The following FAM153A variants were observed in gnomAD, a reference collection of about 807,000 sequenced individuals.
FAM153A encodes family with sequence similarity 153 member A.
A neutral mutation model predicts 48.1 loss-of-function variants in FAM153A; 12 were observed. That is an observed-to-expected ratio of 0.25 (90% CI 0.16 to 0.40). FAM153A has a LOEUF of 0.40. FAM153A is among the 10% of genes least tolerant of loss of function. FAM153A has a pLI of 1.00. For missense variants in FAM153A, 111 were observed against 345.8 expected (o/e 0.32, Z 5.38); for synonymous variants, 36 against 118.2 (o/e 0.30, Z 4.51).
At chr5:177,729,877 T>C (rs1763481629) in intron 16 of FAM153A, among the ~76,000 whole-genome samples, 1 of 112,306 alleles carries the variant, frequency 8.9e-6, no homozygotes, top group African/African-American at 3.3e-5. Flanking sequence ...CTGAGCTAAC[T>C]TGCCCTCTTA....
intron 5 of FAM153A, 65 bp from the exon 8 acceptor site, chr5:177,744,483 T>A: frequency 1.2e-5 from 1 of 80,744 alleles, no homozygotes; most frequent in South Asian, 8.2e-5. Flanking sequence ...AGCACAGGAC[T>A]TTTCTTCACT....
At chr5:177,710,895 C>T (rs1758368711), downstream of FAM153A, among the ~76,000 whole-genome samples, 1 of 151,048 alleles carries the variant, frequency 6.6e-6, no homozygotes, top group Admixed American at 6.6e-5. Flanking sequence ...GGTGATCCAC[C>T]CTCCTCGGCC....
chr5:177,739,132 G>A (rs777343553), exon 10 of FAM153A: 16 of 1,612,614 alleles, frequency 9.9e-6, no homozygotes, highest in East Asian at 4.5e-5. Context: ...GGGTGCCTGC[G>A]TCTGCCTGCG....
chr5:177,735,120 CAG>C (rs1300932102), intron 12 of FAM153A, among the ~76,000 whole-genome samples, 187 bp from the exon 15 acceptor site: 1 of 120,732 alleles, frequency 8.3e-6, no homozygotes, highest in Non-Finnish European at 1.9e-5. Flanking sequence ...CAATCTCAAA[CAG>C]TGCACACCAC....
downstream of FAM153A, chr5:177,717,439 G>A (rs1456914474): frequency 6.6e-6 from 1 of 150,650 alleles, no homozygotes; most frequent in Non-Finnish European, 1.5e-5. Flanking sequence ...ATCACCATTG[G>A]AACCACGGGT....
chr5:177,706,132 C>CA (rs1757864067), downstream of FAM153A, among the ~76,000 whole-genome samples: 1 of 151,668 alleles, frequency 6.6e-6, no homozygotes, highest in South Asian at 2.1e-4. Flanking sequence ...ATACAACAAA[C>CA]CCAATATAGT....
At chr5:177,781,368 A>G (rs1432513623), upstream of FAM153A, among the ~76,000 whole-genome samples, 36 of 137,594 alleles carry the variant, frequency 2.6e-4, no homozygotes, top group South Asian at 4.4e-3. Context: ...TGATCCGCCC[A>G]CCTCGGCCTC....
intron 25 of FAM153A, among the ~76,000 whole-genome samples, chr5:177,715,987 CT>C (rs760706889): frequency 0.015 from 2,122 of 141,006 alleles, 78 homozygotes; most frequent in African/African-American, 0.048. Context: ...AGATTAAATA[CT>C]TTTTTTTTTT....
chr5:177,706,359 GC>G (rs577786047), downstream of FAM153A, among the ~76,000 whole-genome samples: 35 of 151,422 alleles, frequency 2.3e-4, no homozygotes, highest in South Asian at 6.9e-3. Flanking sequence ...ACCAAGCCTG[GC>G]TACTTTTTTT....
At chr5:177,695,467 G>A in the FAM153A span, among the ~76,000 whole-genome samples, 36 of 152,144 alleles carry the variant, frequency 2.4e-4, no homozygotes, top group African/African-American at 8.5e-4. Context: ...GACACTTAAC[G>A]AGCATGCTGC....
upstream of FAM153A, among the ~76,000 whole-genome samples, chr5:177,755,571 A>G (rs1767642966): frequency 6.6e-6 from 1 of 151,822 alleles, no homozygotes; most frequent in Admixed American, 6.6e-5. Flanking sequence ...AAAAATGTTA[A>G]GGGCAGCCAG....
In FAM153A at chr5:177,731,551, G is replaced by T. The variant is rs76216490; in HGVS notation, c.862+18C>A. The T allele has an allele frequency of 3.4e-5, 38 of 1,103,502 alleles. 11 individuals are homozygous for T. The highest frequency in any genetic ancestry group is 7.1e-5 in the East Asian group (2 of 28,038). 68.4% of individuals were successfully genotyped at this position (1,103,502 alleles called of 1,614,324 possible). ...AAGATTTCAAACCTAAACAAAGAGAGGATCCCAGAATACGTACTCTTTGCC... is the reference window on the plus strand; with the variant it reads ...AAGATTTCAAACCTAAACAAAGAGATGATCCCAGAATACGTACTCTTTGCC... On this transcript the variant is annotated intron_variant, in intron 16 of 20. Coordinates refer to ENST00000614127, the Ensembl canonical transcript of FAM153A.
chr5:177,736,755 G>T, intron 11 of FAM153A, 146 bp from the exon 14 acceptor site: 2 of 272,010 alleles, frequency 7.4e-6, no homozygotes, highest in Non-Finnish European at 1.1e-5. Flanking sequence ...TTCGTGGAAA[G>T]GCACAAGATT....
At chr5:177,781,957 TTGACCTGG>T (rs1358593486), upstream of FAM153A, among the ~76,000 whole-genome samples, 18 of 84,574 alleles carry the variant, frequency 2.1e-4, 2 homozygotes, top group South Asian at 4.5e-4. Flanking sequence ...TCTCGATCTC[TTGACCTGG>T]TGATCCGCCC....
At chr5:177,746,680 G>T (rs947170808) in intron 4 of FAM153A, among the ~76,000 whole-genome samples, 46 of 150,054 alleles carry the variant, frequency 3.1e-4, no homozygotes, top group Non-Finnish European at 5.6e-4. Context: ...CATGGGGCCC[G>T]CTGTTGCTCA....
chr5:177,695,041 A>G, the FAM153A span, among the ~76,000 whole-genome samples: 1 of 147,356 alleles, frequency 6.8e-6, no homozygotes, highest in African/African-American at 2.6e-5. Flanking sequence ...CTTATGCCTC[A>G]GCCTCCCAAG....
At chr5:177,725,915 A>C (rs1447549909) in intron 18 of FAM153A, among the ~76,000 whole-genome samples, 6 of 151,878 alleles carry the variant, frequency 4.0e-5, no homozygotes, top group Admixed American at 6.5e-5. Context: ...TTTAGGTTTC[A>C]TTCAAAGCAC....
downstream of FAM153A, chr5:177,718,585 T>C (rs1169472489): frequency 1.5e-5 from 2 of 135,210 alleles, 1 homozygote; most frequent in Non-Finnish European, 3.4e-5. Flanking sequence ...TCGTAAGACA[T>C]TTCATCATCA....
chr5:177,705,600 CAAA>C (rs1757802759), downstream of FAM153A, among the ~76,000 whole-genome samples: 1 of 145,336 alleles, frequency 6.9e-6, no homozygotes, highest in Non-Finnish European at 1.5e-5. Flanking sequence ...ATAAATTTAA[CAAA>C]AGAAGTGTAA....
Sources: allele counts gnomAD v4.1 joint callset (sites outside exome capture counted in the v4.1 genomes callset), GRCh38; gene constraint gnomAD v4.1.1; transcripts MANE v1.5; gene names NCBI Gene and HGNC (gene_info 2026-07-23, HGNC 2026-07-21).